Variants in NAA15 observed in about 807,000 individuals in gnomAD.
The protein encoded by NAA15 is N-terminal acetyltransferase.
Under a neutral mutation model 114.0 loss-of-function variants are expected in NAA15, and 34 were observed. The ratio of observed to expected loss-of-function variants is 0.30; its 90% CI spans 0.23 to 0.40. The LOEUF (loss-of-function observed/expected upper bound fraction) is 0.40, where lower values mean the gene tolerates loss of function less well. Ranked by LOEUF, NAA15 falls within the 10% of genes least tolerant of loss-of-function variation. The probability of loss-of-function intolerance (pLI) is 1.00; values close to 1 mark genes in which losing one functional copy is unlikely to be tolerated. For missense variants in NAA15, 658 were observed against 1,004.5 expected (o/e 0.66, Z 4.66); for synonymous variants, 340 against 338.0 (o/e 1.01, Z -0.06).
chr4:139,311,650 G>T (rs192995159), intron 1 of NAA15, among the ~76,000 whole-genome samples: 1,695 of 152,010 alleles, frequency 0.011, 30 homozygotes, highest in Non-Finnish European at 0.017. Flanking sequence ...TGAGTTTGTT[G>T]TGAGGAGCCT....
At chr4:139,345,612 ACAT>A (rs1012317337) in intron 6 of NAA15, among the ~76,000 whole-genome samples, 1 of 152,174 alleles carries the variant, frequency 6.6e-6, no homozygotes. Flanking sequence ...AAAAGCCCAA[ACAT>A]CAAGTCTATT....
At chr4:139,305,606 C>T (rs901191892) in intron 1 of NAA15, among the ~76,000 whole-genome samples, 2 of 149,512 alleles carry the variant, frequency 1.3e-5, no homozygotes, top group South Asian at 2.1e-4. Context: ...GGCATGATCT[C>T]GGCTCACCGA....
chr4:139,349,711 G>A (rs530406827), intron 7 of NAA15, 130 bp downstream of exon 7: 15 of 956,828 alleles, frequency 1.6e-5, no homozygotes, highest in Non-Finnish European at 1.8e-5. Flanking sequence ...CAGGCCAAGC[G>A]CAGTGGCTCG....
At chr4:139,320,677 C>T (rs1167402489) in intron 1 of NAA15, among the ~76,000 whole-genome samples, 4 of 152,156 alleles carry the variant, frequency 2.6e-5, no homozygotes, top group Non-Finnish European at 5.9e-5. Flanking sequence ...CATGCCACCA[C>T]GCCTGGCTAA....
At chr4:139,321,059 C>A (rs552502023) in intron 1 of NAA15, among the ~76,000 whole-genome samples, 26 of 151,538 alleles carry the variant, frequency 1.7e-4, no homozygotes, top group South Asian at 8.3e-4. Context: ...TTTTTTTGAT[C>A]TTCTCAAAGA....
At chr4:139,367,057 T>C (rs1336773027) in intron 14 of NAA15, among the ~76,000 whole-genome samples, 1 of 152,262 alleles carries the variant, frequency 6.6e-6, no homozygotes, top group African/African-American at 2.4e-5. Flanking sequence ...TTTTTATTTT[T>C]ATTTTTAACC....
rs1579109501 is a variant in NAA15 at position 139,344,231 on chromosome 4, T to C, written c.583T>C (p.Tyr195His). Residue 195 changes from tyrosine (Y) to histidine (H), a missense_variant, in exon 6 of 20, where the codon TAT becomes CAT. Coordinates refer to ENST00000296543, the MANE Select transcript of NAA15 (RefSeq NM_057175.5). Reference sequence around the variant, plus strand: ...TTATGAATATAGTGAACTACTCTTATATCAGAATCAAGTTCTTCGGGAAGC... The same window carrying C: ...TTATGAATATAGTGAACTACTCTTACATCAGAATCAAGTTCTTCGGGAAGC... Reference protein sequence around the residue: ...VDYEYSELLLYQNQVLREAGL... With the variant: ...VDYEYSELLLHQNQVLREAGL... 6.2e-7 allele frequency: 1 copy of C among 1,612,856 alleles called. No individual in the cohort carries two copies. Among genetic ancestry groups the C allele is most frequent in the Non-Finnish European group, 8.5e-7 (1 of 1,179,132 alleles).
Position 139,301,721 on chromosome 4 carries a change from G to T in NAA15, c.-57G>T, listed in dbSNP as rs1403364089. On this transcript the variant is annotated 5_prime_UTR_variant, in exon 1 of 20. Coordinates refer to ENST00000296543, the MANE Select transcript of NAA15 (RefSeq NM_057175.5). ...CTACGGAACGGCAGCGGCGGCGGTC[G>T]GACAAACTGACTGACCGAGCCGGGT... The T allele has an allele frequency of 1.3e-6, 2 of 1,525,052 alleles. No homozygotes were observed. The highest frequency in any genetic ancestry group is 1.2e-5 in the South Asian group (1 of 82,686). 94.5% of individuals were successfully genotyped at this position (1,525,052 alleles called of 1,614,324 possible).
chr4:139,334,212 A>C lies in NAA15; in HGVS notation c.93A>C (p.Lys31Asn). Residue 31 changes from lysine (K) to asparagine (N), a missense_variant, in exon 2 of 20, where the codon AAA (lysine) becomes AAC (asparagine). Transcript: ENST00000296543. ...ATAAACAGTATAGAAATGGATTGAA[A>C]TTCTGTAAACAAATACTTTCTAATC... ...YEHKQYRNGL[K>N]FCKQILSNPK... The C allele has an allele frequency of 6.2e-7, 1 of 1,604,708 alleles. No individual in the cohort carries two copies.
intron 7 of NAA15, among the ~76,000 whole-genome samples, chr4:139,350,737 A>G (rs1465316207): frequency 6.6e-6 from 1 of 152,226 alleles, no homozygotes; most frequent in African/African-American, 2.4e-5. Context: ...GATAGACGTA[A>G]TTGCTGCCAT....
In NAA15 at chr4:139,373,495, C is replaced by G. The variant is rs17050749; in HGVS notation, c.1948-2870C>G. The stretch of plus-strand genomic sequence containing the variant: ...AGTATTAATAAATTAGCAGTAATTC[C>G]AGTAAAGAAGGAGAAAAGGAAAATG... On this transcript the variant is annotated intron_variant, in intron 15 of 19. Coordinates refer to ENST00000296543, the MANE Select transcript of NAA15 (RefSeq NM_057175.5). 1.5e-3 allele frequency among the ~76,000 whole-genome samples: 232 copies of G among 152,160 alleles called. No individual in the cohort carries two copies. In the East Asian group the frequency reaches 0.019, roughly 13 times the overall value.
chr4:139,386,795 A>G (rs1359896185), intron 19 of NAA15, among the ~76,000 whole-genome samples: 3 of 150,090 alleles, frequency 2.0e-5, no homozygotes, highest in Non-Finnish European at 4.4e-5. Context: ...GTACTCCAGT[A>G]TGGACAACAG....
intron 14 of NAA15, among the ~76,000 whole-genome samples, chr4:139,365,156 G>A (rs899744866): frequency 1.3e-5 from 2 of 152,116 alleles, no homozygotes; most frequent in Non-Finnish European, 2.9e-5. Context: ...TCCTGCCTCA[G>A]CCTCCCAAGT....
Position 139,357,564 on chromosome 4 carries a change from C to CT in NAA15, c.1257+16dup, listed in dbSNP as rs769064271. 73 of 1,556,664 alleles carry CT rather than the reference C, an allele frequency of 4.7e-5. No individual in the cohort carries two copies. The Middle Eastern group carries it at 8.4e-4, about 18-fold the overall frequency. On this transcript the variant is annotated intron_variant, in intron 11 of 19. Transcript: ENST00000296543. The stretch of plus-strand genomic sequence containing the variant: ...AAGCTAAAATCTATAAGGTAAAAAT[C>CT]TTTTTTTCTATTTTCTTATAAGGTA...
rs116262454 is a variant in NAA15, at chr4:139,368,006, T to G, written c.1754-2205T>G. Reference sequence around the variant, plus strand: ...TAGACTTCTATGAATAGTCCAAGGCTCTTCAAACTTCCACTAAAGCCCTAC... The same window carrying G: ...TAGACTTCTATGAATAGTCCAAGGCGCTTCAAACTTCCACTAAAGCCCTAC... On this transcript the variant is annotated intron_variant, in intron 14 of 19. Coordinates refer to ENST00000296543, the MANE Select transcript of NAA15 (RefSeq NM_057175.5). Among the ~76,000 whole-genome samples, 961 of 148,624 alleles carry G rather than the reference T, an allele frequency of 6.5e-3. 8 individuals carry two copies. Among genetic ancestry groups the G allele is most frequent in the African/African-American group, 0.023 (928 of 40,018 alleles).
At chr4:139,365,001 A>AG (rs1748238491) in intron 14 of NAA15, among the ~76,000 whole-genome samples, 1 of 152,064 alleles carries the variant, frequency 6.6e-6, no homozygotes, top group South Asian at 2.1e-4. Flanking sequence ...TTTTCTATAG[A>AG]GGTAGTACTA....
intron 1 of NAA15, among the ~76,000 whole-genome samples, chr4:139,313,454 G>A (rs538235430): frequency 6.6e-6 from 1 of 151,418 alleles, no homozygotes; most frequent in South Asian, 2.1e-4. Flanking sequence ...CTTTTTACAT[G>A]TTAGCTGATA....
At chr4:139,334,487 A>G (rs1052561886) in intron 2 of NAA15, among the ~76,000 whole-genome samples, 4 of 140,062 alleles carry the variant, frequency 2.9e-5, no homozygotes, top group South Asian at 4.4e-4. Flanking sequence ...CCTCTGTAGG[A>G]AAAGAGAAAT....
intron 1 of NAA15, among the ~76,000 whole-genome samples, chr4:139,308,918 G>A (rs1468259245): frequency 6.6e-6 from 1 of 151,912 alleles, no homozygotes; most frequent in African/African-American, 2.4e-5. Flanking sequence ...CACCCTGCCG[G>A]TAATCGTAAA....
Sources: allele counts gnomAD v4.1 joint callset (sites outside exome capture counted in the v4.1 genomes callset), GRCh38; gene constraint gnomAD v4.1.1; transcripts MANE v1.5; gene names NCBI Gene and HGNC (gene_info 2026-07-23, HGNC 2026-07-21).